Variants in TERB2 observed in about 807,000 individuals in gnomAD.
The protein encoded by TERB2 is telomere repeats-binding bouquet formation protein 2.
Under a neutral mutation model 29.8 loss-of-function variants are expected in TERB2, and 26 were observed. The observed-to-expected ratio is 0.87, with a 90% CI of 0.64 to 1.21. TERB2 has a LOEUF of 1.21. Among genes scored for constraint, TERB2 ranks in the 50% most tolerant of loss-of-function variants. TERB2 has a pLI of 0.00. For missense variants in TERB2, 240 were observed against 268.6 expected (o/e 0.89, Z 0.74); for synonymous variants, 80 against 90.8 (o/e 0.88, Z 0.68).
chr15:44,960,813 CT>C (rs1891789200), intron 3 of TERB2, among the ~76,000 whole-genome samples: 1 of 151,896 alleles, frequency 6.6e-6, no homozygotes. Context: ...ACTGTGAAAA[CT>C]TTTGAGATCA....
intron 2 of TERB2, among the ~76,000 whole-genome samples, chr15:44,957,317 T>C (rs1044104219): frequency 2.0e-5 from 3 of 152,104 alleles, no homozygotes; most frequent in Non-Finnish European, 2.9e-5. Context: ...TTTTCAGTCC[T>C]AGATTTGAGG....
chr15:44,965,473 TAA>T (rs1455794614), intron 4 of TERB2, among the ~76,000 whole-genome samples: 2 of 144,534 alleles, frequency 1.4e-5, no homozygotes, highest in South Asian at 2.1e-4. Flanking sequence ...TATATATTTA[TAA>T]AGATATATAT....
rs1391368238 is a variant in TERB2, at chr15:44,978,786, G to T, written c.*158G>T. The T allele has an allele frequency of 1.9e-6, 2 of 1,060,166 alleles. No homozygotes were observed. The highest frequency in any genetic ancestry group is 6.4e-5 in the East Asian group (2 of 31,060). 65.7% of individuals were successfully genotyped at this position (1,060,166 alleles called of 1,614,324 possible). ...TCTTTAGGAAATACAGAATCATTTT[G>T]GTTCTGTGTTTTGACATTTTTCCCC... is the stretch of plus-strand genomic sequence containing the variant. On this transcript the variant is annotated 3_prime_UTR_variant, in exon 7 of 7. Transcript: ENST00000340827.
intron 2 of TERB2, 114 bp downstream of exon 2, chr15:44,957,091 A>G: frequency 9.0e-7 from 1 of 1,115,812 alleles, no homozygotes; most frequent in Admixed American, 2.1e-5. Context: ...GCGGACACCT[A>G]TAATCCCAGC....
At chr15:44,957,299 C>T (rs892899283) in intron 2 of TERB2, among the ~76,000 whole-genome samples, 2 of 150,636 alleles carry the variant, frequency 1.3e-5, no homozygotes, top group Admixed American at 1.3e-4. Context: ...AGACTGAAAA[C>T]GAGCAAGTTT....
chr15:44,967,981 G>T (rs1357768185), intron 5 of TERB2, among the ~76,000 whole-genome samples: 6 of 107,842 alleles, frequency 5.6e-5, no homozygotes. Flanking sequence ...CAAAGGATAT[G>T]AATAAACCCT....
At position 44,965,932 on chromosome 15, in the gene TERB2, G is replaced by C. The variant is rs577314656; in HGVS notation, c.349-226G>C. On this transcript the variant is annotated intron_variant, in intron 4 of 6. Transcript: ENST00000340827. ...CACAGCTGGTATATTTAAAATTCTG[G>C]TCTTCTTTATGTGTCTCCAAAAATA... Among the ~76,000 whole-genome samples the C allele has an allele frequency of 3.9e-5, 6 of 151,950 alleles. No individual in the cohort carries two copies. The South Asian group carries it at 1.2e-3, about 31-fold the overall frequency.
chr15:44,972,922 GC>G (rs1263187078), intron 5 of TERB2, among the ~76,000 whole-genome samples: 3 of 142,166 alleles, frequency 2.1e-5, no homozygotes, highest in Non-Finnish European at 4.5e-5. Flanking sequence ...TCGTTCTGTT[GC>G]CCAAGCTGGA....
intron 5 of TERB2, among the ~76,000 whole-genome samples, chr15:44,972,180 A>G (rs1304717667): frequency 6.6e-6 from 1 of 151,678 alleles, no homozygotes; most frequent in Admixed American, 6.6e-5. Context: ...TATTAGAGAC[A>G]GGGTTTCACC....
chr15:44,971,333 G>A (rs1891964566), intron 5 of TERB2, among the ~76,000 whole-genome samples: 1 of 152,128 alleles, frequency 6.6e-6, no homozygotes, highest in South Asian at 2.1e-4. Flanking sequence ...TTGAAATGAG[G>A]ATATTGGTCT....
rs750885024 is a variant in TERB2, at chr15:44,956,706, G to A, written c.-13G>A. 1.3e-6 allele frequency: 2 copies of A among 1,598,826 alleles called. No homozygotes were observed. The highest frequency in any genetic ancestry group is 2.2e-5 in the East Asian group (1 of 44,732). On this transcript the variant is annotated 5_prime_UTR_variant, in exon 1 of 7. Coordinates refer to ENST00000340827, the MANE Select transcript of TERB2 (RefSeq NM_152448.3). Reference sequence around the variant, plus strand: ...GGCCTCCTCTCTCACATCTCCACAGGCTTGGCGACGCCATGTTTCAAGGGC... The same window carrying A: ...GGCCTCCTCTCTCACATCTCCACAGACTTGGCGACGCCATGTTTCAAGGGC...
At chr15:44,975,792 C>T (rs1025606879) in intron 6 of TERB2, among the ~76,000 whole-genome samples, 2 of 151,986 alleles carry the variant, frequency 1.3e-5, no homozygotes, top group African/African-American at 2.4e-5. Flanking sequence ...TTTTGTTTTG[C>T]TTTCAGCTTT....
chr15:44,974,708 AT>A (rs993218304), intron 6 of TERB2, among the ~76,000 whole-genome samples: 1 of 152,134 alleles, frequency 6.6e-6, no homozygotes, highest in Non-Finnish European at 1.5e-5. Context: ...AAAAATAGAG[AT>A]TTTTTTAAAA....
chr15:44,972,548 T>C (rs1254829246), intron 5 of TERB2, among the ~76,000 whole-genome samples: 1 of 149,722 alleles, frequency 6.7e-6, no homozygotes, highest in African/African-American at 2.5e-5. Context: ...AGAGTCTGGC[T>C]CTGTCACCTA....
chr15:44,978,745 T>C lies in TERB2; in HGVS notation c.*117T>C. The C allele has an allele frequency of 7.9e-7, 1 of 1,257,876 alleles. No homozygotes were observed. The highest frequency in any genetic ancestry group is 2.8e-5 in the East Asian group (1 of 35,636). The allele number at this position is 1,257,876 out of a possible 1,614,324, so 77.9% of individuals were successfully genotyped here. On this transcript the variant is annotated 3_prime_UTR_variant, in exon 7 of 7. Coordinates refer to ENST00000340827, the MANE Select transcript of TERB2 (RefSeq NM_152448.3). Reference sequence around the variant, plus strand: ...ATAGTGAAATGGGAAATAATTTTTCTGTTTCTCAAAGTATATCTTTAGGAA... The same window carrying C: ...ATAGTGAAATGGGAAATAATTTTTCCGTTTCTCAAAGTATATCTTTAGGAA...
At chr15:44,964,552 T>C (rs1329232116) in intron 4 of TERB2, among the ~76,000 whole-genome samples, 1 of 152,112 alleles carries the variant, frequency 6.6e-6, no homozygotes, top group Admixed American at 6.6e-5. Flanking sequence ...AAAGAAAATA[T>C]AATGACCCAT....
rs775520946 is a variant in TERB2, at chr15:44,978,669, A to AATATT, written c.*45_*49dup. 6.5e-7 allele frequency: 1 copy of AATATT among 1,530,276 alleles called. No homozygotes were observed. Among genetic ancestry groups the AATATT allele is most frequent in the South Asian group, 1.3e-5 (1 of 75,514 alleles). The allele number at this position is 1,530,276 out of a possible 1,614,324, so 94.8% of individuals were successfully genotyped here. ...ATACCTTGGCATTTATTTTCTATAA[A>AATATT]ATATTATACAGATGTGCATATCATA... On this transcript the variant is annotated 3_prime_UTR_variant, in exon 7 of 7. Transcript: ENST00000340827.
intron 4 of TERB2, among the ~76,000 whole-genome samples, chr15:44,964,156 C>T (rs796395412): frequency 9.6e-4 from 146 of 151,962 alleles, no homozygotes; most frequent in African/African-American, 3.3e-3. Flanking sequence ...TTTTTCACAA[C>T]AAAGAGTTAG....
At chr15:44,957,411 G>A (rs965446539) in intron 2 of TERB2, among the ~76,000 whole-genome samples, 20 of 152,102 alleles carry the variant, frequency 1.3e-4, no homozygotes, top group African/African-American at 4.6e-4. Flanking sequence ...TGAATTCCAA[G>A]TGTGTGTTTC....
Sources: allele counts gnomAD v4.1 joint callset (sites outside exome capture counted in the v4.1 genomes callset), GRCh38; gene constraint gnomAD v4.1.1; transcripts MANE v1.5; gene names NCBI Gene and HGNC (gene_info 2026-07-23, HGNC 2026-07-21).